Variants in COL12A1 observed in about 807,000 individuals in gnomAD.
COL12A1 encodes collagen type XII alpha 1 chain.
Under a neutral mutation model 349.7 loss-of-function variants are expected in COL12A1, and 114 were observed. That is an observed-to-expected ratio of 0.33 (90% CI 0.28 to 0.38). The LOEUF is 0.38. Among genes scored for constraint, COL12A1 ranks in the 10% least tolerant of loss-of-function variants. The probability of loss-of-function intolerance (pLI) is 1.00; values close to 1 mark genes in which losing one functional copy is unlikely to be tolerated. For synonymous variants in COL12A1, 1,369 were observed against 1,329.0 expected (o/e 1.03, Z -0.66); for missense variants, 3,284 against 3,756.9 (o/e 0.87, Z 3.29).
chr6:75,147,812 GA>G lies in COL12A1; in HGVS notation c.4288-9del, dbSNP rs1275056938. 11 of 1,610,530 alleles carry G rather than the reference GA, an allele frequency of 6.8e-6. No homozygotes were observed. Among genetic ancestry groups the G allele is most frequent in the East Asian group, 2.2e-5 (1 of 44,758 alleles). ...CATTCGACTCACATAAAACTAGGGG[GA>G]AAAATTAAACAGAGCAACAACGTAT... On this transcript the variant is annotated splice_polypyrimidine_tract_variant and intron_variant, in intron 22 of 65. Transcript: ENST00000322507.
At position 75,128,278 on chromosome 6, in the gene COL12A1, G is replaced by T; in HGVS notation, c.6340+18C>A. On this transcript the variant is annotated intron_variant, in intron 38 of 65. Coordinates refer to ENST00000322507, the MANE Select transcript of COL12A1 (RefSeq NM_004370.6). ...CAATTTCAAAGCAAAAATAAAAGGG[G>T]GAGTACAAAACACTTACCAGTTCTT... The T allele has an allele frequency of 6.4e-7, 1 of 1,555,962 alleles. No homozygotes were observed. Among genetic ancestry groups the T allele is most frequent in the South Asian group, 1.3e-5 (1 of 78,924 alleles).
At chr6:75,143,741 A>C (rs1008399061) in intron 25 of COL12A1, among the ~76,000 whole-genome samples, 5 of 152,220 alleles carry the variant, frequency 3.3e-5, no homozygotes, top group African/African-American at 9.6e-5. Context: ...TCAGATATTT[A>C]ACTCAAGACA....
chr6:75,202,832 G>C lies in COL12A1; in HGVS notation c.-35-5C>G. ...CTTACAGCGGCATGAAGAGATCTGC[G>C]GGAGGAAGTAGTGACTGCATCAGAA... is the stretch of plus-strand genomic sequence containing the variant. On this transcript the variant is annotated splice_polypyrimidine_tract_variant and splice_region_variant and intron_variant, in intron 1 of 65. Transcript: ENST00000322507. 1 of 1,538,866 alleles carries C rather than the reference G, an allele frequency of 6.5e-7. No individual in the cohort carries two copies. Among genetic ancestry groups the C allele is most frequent in the East Asian group, 2.4e-5 (1 of 40,872 alleles).
chr6:75,139,288 C>T (rs952603972), intron 27 of COL12A1, among the ~76,000 whole-genome samples: 2 of 152,244 alleles, frequency 1.3e-5, no homozygotes, highest in Middle Eastern at 6.8e-3. Flanking sequence ...AACTTGGCCA[C>T]ATATCAGAGA....
At position 75,106,464 on chromosome 6, in the gene COL12A1, A is replaced by G. The variant is rs374488376; in HGVS notation, c.8133T>C (p.Ser2711=). Reference sequence around the variant, plus strand: ...ATCTGTCTCTACTGGTCCACACTGGACTGCAGACAATGTCAAAACTCTGGA... The same window carrying G: ...ATCTGTCTCTACTGGTCCACACTGGGCTGCAGACAATGTCAAAACTCTGGA... ...FQIQSFDIVC[S]PVWTSRDRCC... The change falls in exon 53 of 66, where the codon AGT becomes AGC. Residue 2711 remains serine, a synonymous_variant. Coordinates refer to ENST00000322507, the MANE Select transcript of COL12A1 (RefSeq NM_004370.6). 25 of 1,613,848 alleles carry G rather than the reference A, an allele frequency of 1.5e-5. No individual in the cohort carries two copies. In the South Asian group the frequency reaches 2.3e-4, roughly 15 times the overall value.
intron 52 of COL12A1, among the ~76,000 whole-genome samples, chr6:75,108,814 A>G (rs1768689700): frequency 6.6e-6 from 1 of 152,206 alleles, no homozygotes. Flanking sequence ...TTTTGTTTCT[A>G]GCAAGTAGTT....
In COL12A1 at chr6:75,138,928, G is replaced by A; in HGVS notation, c.4991C>T (p.Thr1664Ile). The change falls in exon 28 of 66, where the codon ACT becomes ATT. Residue 1664 changes from threonine (T) to isoleucine (I), a missense_variant. Coordinates refer to ENST00000322507, the MANE Select transcript of COL12A1 (RefSeq NM_004370.6). ...TCTGAAACCCTCTGATGTTACTTCA[G>A]TAATCTTTAAGTTTGTTGGGGCTGG... ...PVPAPTNLKI[T>I]EVTSEGFRGT... 2 of 1,614,074 alleles carry A rather than the reference G, an allele frequency of 1.2e-6. No homozygotes were observed. The highest frequency in any genetic ancestry group is 1.7e-6 in the Non-Finnish European group (2 of 1,179,948).
Position 75,086,432 on chromosome 6 carries a change from CTG to C in COL12A1, c.*113_*114del. Reference sequence around the variant, plus strand: ...GTCGACCCGGTTCGTTAACCATTATCTGTGGTGAGATTTCCATACAGACTCAT... The same window carrying C: ...GTCGACCCGGTTCGTTAACCATTATCTGGTGAGATTTCCATACAGACTCAT... On this transcript the variant is annotated 3_prime_UTR_variant, in exon 66 of 66. Transcript: ENST00000322507. The C allele has an allele frequency of 1.1e-6, 1 of 930,346 alleles. No homozygotes were observed. Among genetic ancestry groups the C allele is most frequent in the South Asian group, 1.8e-5 (1 of 56,090 alleles). The allele number at this position is 930,346 out of a possible 1,614,324, so 57.6% of individuals were successfully genotyped here.
intron 13 of COL12A1, among the ~76,000 whole-genome samples, chr6:75,170,930 G>C (rs920510215): frequency 2.0e-5 from 3 of 152,146 alleles, no homozygotes; most frequent in African/African-American, 7.2e-5. Flanking sequence ...GGTTGCTATA[G>C]CAACTGAAAC....
intron 14 of COL12A1, among the ~76,000 whole-genome samples, chr6:75,164,981 G>C (rs893002536): frequency 1.3e-5 from 2 of 151,992 alleles, no homozygotes; most frequent in Non-Finnish European, 2.9e-5. Flanking sequence ...GTTAAGTCTT[G>C]GTTGTATGAT....
At position 75,180,967 on chromosome 6, in the gene COL12A1, G is replaced by A. The variant is rs1380653499; in HGVS notation, c.2136C>T (p.Pro712=). 2 of 1,613,536 alleles carry A rather than the reference G, an allele frequency of 1.2e-6. No individual in the cohort carries two copies. Among genetic ancestry groups the A allele is most frequent in the South Asian group, 1.1e-5 (1 of 91,040 alleles). ...TAEYEDGFSI[P]LAGEETTEEV... ...CTTCGGTGGTCTCCTCTCCAGCTAA[G>A]GGAATGCTGAAGCCATCCTCATACT... The change falls in exon 11 of 66, where the codon CCC becomes CCT. Residue 712 remains proline (P), a synonymous_variant. Transcript: ENST00000322507.
chr6:75,200,726 T>C (rs932776967), intron 2 of COL12A1, among the ~76,000 whole-genome samples: 1 of 152,202 alleles, frequency 6.6e-6, no homozygotes. Flanking sequence ...ATAAAATACA[T>C]TATAAAATTT....
chr6:75,125,306 A>G, intron 39 of COL12A1, 33 bp from the exon 40 acceptor site: 4 of 1,552,896 alleles, frequency 2.6e-6, no homozygotes, highest in Non-Finnish European at 3.5e-6. Context: ...ACACAGAAAC[A>G]TGCCATCAAT....
chr6:75,195,777 G>C lies in COL12A1; in HGVS notation c.74-830C>G, dbSNP rs754799380. Among the ~76,000 whole-genome samples the C allele has an allele frequency of 5.9e-5, 9 of 152,218 alleles. No individual in the cohort carries two copies. The South Asian group carries it at 1.2e-3, about 21-fold the overall frequency. On this transcript the variant is annotated intron_variant, in intron 2 of 65. Coordinates refer to ENST00000322507, the MANE Select transcript of COL12A1 (RefSeq NM_004370.6). ...ACTCCATACTAGAAAGGGCATTTTA[G>C]ATTAAAATGCCAGTATGGTCCTTTA...
At chr6:75,178,229 T>C (rs1252998372) in intron 11 of COL12A1, among the ~76,000 whole-genome samples, 1 of 152,222 alleles carries the variant, frequency 6.6e-6, no homozygotes, top group Admixed American at 6.5e-5. Flanking sequence ...TTCTATCAAA[T>C]GCTAAATTTA....
rs371788057 is a variant in COL12A1 at position 75,203,949 on chromosome 6, C to T, written c.-35-1122G>A. Among the ~76,000 whole-genome samples, 4 of 152,306 alleles carry T rather than the reference C, an allele frequency of 2.6e-5. No individual in the cohort carries two copies. The East Asian group carries it at 7.7e-4, about 29-fold the overall frequency. ...TGCAAAAATGAGCCAAAGGTCGAGG[C>T]CTCTTTGAGAAAAGAAACTGACAAT... is the stretch of plus-strand genomic sequence containing the variant. On this transcript the variant is annotated intron_variant, in intron 1 of 65. Transcript: ENST00000322507.
At position 75,183,233 on chromosome 6, in the gene COL12A1, C is replaced by T. The variant is rs376601045; in HGVS notation, c.1708G>A (p.Glu570Lys). The T allele has an allele frequency of 2.7e-5, 43 of 1,614,072 alleles. No homozygotes were observed. Among genetic ancestry groups the T allele is most frequent in the Non-Finnish European group, 7.6e-6 (9 of 1,180,030 alleles). Residue 570 changes from glutamate to lysine, a missense_variant, in exon 10 of 66, where the codon GAA becomes AAA. Coordinates refer to ENST00000322507, the MANE Select transcript of COL12A1 (RefSeq NM_004370.6). ...TCCTTCACACCAACTGCAAAGATTT[C>T]AACATCTGAATTCCTCAGTTTTATC... Reference protein sequence around the residue: ...PAIKLRNSDVEIFAVGVKDAV... With the variant: ...PAIKLRNSDVKIFAVGVKDAV...
chr6:75,111,190 A>G (rs942345389), intron 51 of COL12A1, among the ~76,000 whole-genome samples: 17 of 152,048 alleles, frequency 1.1e-4, no homozygotes, highest in Admixed American at 1.3e-4. Context: ...GAACGGGTTT[A>G]AGGAATGGAG....
intron 59 of COL12A1, among the ~76,000 whole-genome samples, chr6:75,095,982 A>T (rs1768008378): frequency 6.6e-6 from 1 of 152,120 alleles, no homozygotes; most frequent in Non-Finnish European, 1.5e-5. Context: ...TGGGAATTGC[A>T]CTCTCAGCTT....
Sources: allele counts gnomAD v4.1 joint callset (sites outside exome capture counted in the v4.1 genomes callset), GRCh38; gene constraint gnomAD v4.1.1; transcripts MANE v1.5; gene names NCBI Gene and HGNC (gene_info 2026-07-23, HGNC 2026-07-21).